LRRC37A2: variants seen among roughly 807,000 people sequenced by gnomAD.
The protein encoded by LRRC37A2 is leucine-rich repeat-containing protein 37A2.
In LRRC37A2, 9 loss-of-function variants were observed where a neutral mutation model predicts 68.8. That is an observed-to-expected ratio of 0.13 (90% CI 0.08 to 0.23). LRRC37A2 has a LOEUF of 0.23. Ranked by LOEUF, LRRC37A2 falls within the 10% of genes least tolerant of loss-of-function variation. LRRC37A2 has a pLI of 1.00. For missense variants in LRRC37A2, 168 were observed against 950.4 expected (o/e 0.18, Z 10.82); for synonymous variants, 63 against 367.6 (o/e 0.17, Z 9.48).
At chr17:46,795,364 C>T in the LRRC37A2 span, among the ~76,000 whole-genome samples, 1 of 152,170 alleles carries the variant, frequency 6.6e-6, no homozygotes, top group Admixed American at 6.5e-5. Flanking sequence ...AGACAGCTGA[C>T]CCTGTGACTT....
chr17:46,918,723 CCCTCCCT>C, the LRRC37A2 span, among the ~76,000 whole-genome samples: 1 of 152,102 alleles, frequency 6.6e-6, no homozygotes, highest in South Asian at 2.1e-4. Flanking sequence ...GACTGCAGCT[CCCTCCCT>C]CCTACAGAAT....
At chr17:46,721,550 T>G in the LRRC37A2 span, 6 of 1,258,288 alleles carry the variant, frequency 4.8e-6, no homozygotes, top group Non-Finnish European at 6.9e-6. Flanking sequence ...TGTGTGTGTG[T>G]GAATATATAC....
chr17:46,923,456 A>G, the LRRC37A2 span: 6 of 1,404,288 alleles, frequency 4.3e-6, no homozygotes, highest in Non-Finnish European at 5.5e-6. Flanking sequence ...GGGGTCTGCA[A>G]GTTCGTGACT....
the LRRC37A2 span, among the ~76,000 whole-genome samples, chr17:47,015,780 T>A: frequency 3.9e-5 from 6 of 152,222 alleles, no homozygotes; most frequent in African/African-American, 1.4e-4. Flanking sequence ...AAAATAATAA[T>A]TTTAATTCAA....
chr17:46,829,896 C>T, the LRRC37A2 span, among the ~76,000 whole-genome samples: 1 of 152,090 alleles, frequency 6.6e-6, no homozygotes, highest in Non-Finnish European at 1.5e-5. Flanking sequence ...CTAGATCTCT[C>T]TGTGGCCGTT....
chr17:46,490,301 C>A, the LRRC37A2 span, among the ~76,000 whole-genome samples: 1 of 151,278 alleles, frequency 6.6e-6, no homozygotes, highest in Non-Finnish European at 1.5e-5. Flanking sequence ...CAAAAACAGG[C>A]TGTGGCCGGC....
the LRRC37A2 span, chr17:46,762,892 TG>T: frequency 6.6e-6 from 1 of 152,208 alleles, no homozygotes; most frequent in African/African-American, 2.4e-5. Flanking sequence ...ATGAAAAGAT[TG>T]TTTTGAAAAT....
chr17:46,691,786 T>C, the LRRC37A2 span, among the ~76,000 whole-genome samples: 1 of 151,688 alleles, frequency 6.6e-6, no homozygotes, highest in Middle Eastern at 3.4e-3. Context: ...GGAGTCTCAC[T>C]CTGTCGCCCA....
chr17:46,855,698 C>CTATT, the LRRC37A2 span, among the ~76,000 whole-genome samples: 3 of 152,276 alleles, frequency 2.0e-5, no homozygotes, highest in East Asian at 1.9e-4. Flanking sequence ...CCAATCCAGT[C>CTATT]TATTTATTTA....
chr17:46,914,854 G>A, the LRRC37A2 span, among the ~76,000 whole-genome samples: 2 of 151,934 alleles, frequency 1.3e-5, no homozygotes, highest in African/African-American at 4.8e-5. Context: ...ATCTACTCTA[G>A]AAAGTCTTCC....
chr17:46,797,336 C>T, the LRRC37A2 span, among the ~76,000 whole-genome samples: 1 of 152,150 alleles, frequency 6.6e-6, no homozygotes, highest in African/African-American at 2.4e-5. Flanking sequence ...GCTGAGAGGA[C>T]TCCCAGGAAG....
chr17:46,809,812 C>T, the LRRC37A2 span, among the ~76,000 whole-genome samples: 1 of 152,052 alleles, frequency 6.6e-6, no homozygotes, highest in Non-Finnish European at 1.5e-5. Flanking sequence ...TCTGTGCCCT[C>T]TCCCAGGGGC....
At chr17:46,909,912 T>A in the LRRC37A2 span, 3 of 152,320 alleles carry the variant, frequency 2.0e-5, no homozygotes, top group African/African-American at 7.2e-5. Context: ...GCTTTCAGTC[T>A]GGACTGGGCT....
At chr17:46,787,218 G>A in the LRRC37A2 span, among the ~76,000 whole-genome samples, 2 of 152,000 alleles carry the variant, frequency 1.3e-5, no homozygotes, top group South Asian at 4.2e-4. Flanking sequence ...TGGGATTACA[G>A]GTGTGAGCCA....
the LRRC37A2 span, among the ~76,000 whole-genome samples, chr17:47,034,770 T>A: frequency 6.7e-6 from 1 of 148,728 alleles, no homozygotes; most frequent in Admixed American, 6.8e-5. Context: ...AGATATAGAA[T>A]GAAGAGGTAG....
chr17:46,892,057 T>C, the LRRC37A2 span, among the ~76,000 whole-genome samples: 1 of 151,824 alleles, frequency 6.6e-6, no homozygotes, highest in Admixed American at 6.6e-5. Flanking sequence ...TAGCTGGGAT[T>C]ACAGGTGTCC....
the LRRC37A2 span, among the ~76,000 whole-genome samples, chr17:46,865,307 C>T: frequency 6.6e-6 from 1 of 152,254 alleles, no homozygotes; most frequent in African/African-American, 2.4e-5. Flanking sequence ...CTGATGCCAT[C>T]CCCTGCAGGC....
At chr17:46,957,667 G>T in the LRRC37A2 span, among the ~76,000 whole-genome samples, 3 of 152,158 alleles carry the variant, frequency 2.0e-5, no homozygotes, top group Non-Finnish European at 4.4e-5. Flanking sequence ...GCCCAGGTGA[G>T]GAGAAGGGGA....
chr17:46,793,331 T>C, the LRRC37A2 span, among the ~76,000 whole-genome samples: 1 of 145,042 alleles, frequency 6.9e-6, no homozygotes, highest in African/African-American at 2.5e-5. Context: ...GGACAGGGTT[T>C]ATAGAGAGCA....
Sources: gnomAD v4.1 joint callset for allele counts (sites outside exome capture counted in the v4.1 genomes callset) on GRCh38, gnomAD v4.1.1 for gene constraint, MANE v1.5 for transcripts, NCBI Gene and HGNC (gene_info 2026-07-23, HGNC 2026-07-21) for gene names.